The following OXCT1 variants were observed in gnomAD, a reference collection of about 807,000 sequenced individuals.
OXCT1 encodes the protein 3-oxoacid CoA-transferase 1, also known as succinyl-CoA:3-ketoacid coenzyme A transferase 1, mitochondrial.
In OXCT1, 27 loss-of-function variants were observed where a neutral mutation model predicts 69.6. That is an observed-to-expected ratio of 0.39 (90% CI 0.29 to 0.54). The LOEUF (loss-of-function observed/expected upper bound fraction) is 0.54. Among genes scored for constraint, OXCT1 ranks in the 20% least tolerant of loss-of-function variants. OXCT1 has a pLI of 0.72. For missense variants in OXCT1, 437 were observed against 650.2 expected (o/e 0.67, Z 3.57); for synonymous variants, 202 against 217.8 (o/e 0.93, Z 0.64).
At chr5:41,775,390 T>C (rs1745073991) in intron 13 of OXCT1, among the ~76,000 whole-genome samples, 1 of 152,112 alleles carries the variant, frequency 6.6e-6, no homozygotes, top group Admixed American at 6.5e-5. Flanking sequence ...CTATTATTGG[T>C]TTATTATGAA....
At chr5:41,767,885 A>G (rs1744693103) in intron 13 of OXCT1, among the ~76,000 whole-genome samples, 1 of 151,538 alleles carries the variant, frequency 6.6e-6, no homozygotes, top group Non-Finnish European at 1.5e-5. Flanking sequence ...TGAGGCTTTC[A>G]GTTTTCTACC....
intron 11 of OXCT1, among the ~76,000 whole-genome samples, chr5:41,796,655 T>C (rs1320187191): frequency 2.0e-5 from 3 of 152,172 alleles, no homozygotes; most frequent in African/African-American, 4.8e-5. Flanking sequence ...GGAGTTTTAT[T>C]CCAAATGATA....
chr5:41,819,637 T>C (rs1450342139), intron 7 of OXCT1, among the ~76,000 whole-genome samples: 1 of 151,950 alleles, frequency 6.6e-6, no homozygotes, highest in Non-Finnish European at 1.5e-5. Flanking sequence ...CCCAAAGTGC[T>C]GAGATAACAG....
At chr5:41,813,684 A>G (rs1183597666) in intron 7 of OXCT1, among the ~76,000 whole-genome samples, 2 of 151,658 alleles carry the variant, frequency 1.3e-5, no homozygotes, top group African/African-American at 4.9e-5. Flanking sequence ...GCCTCCAAGT[A>G]TTTACTAAAA....
intron 1 of OXCT1, chr5:41,869,937 A>C: frequency 2.6e-6 from 1 of 388,558 alleles, no homozygotes; most frequent in Non-Finnish European, 4.9e-6. Flanking sequence ...AGACCCTCAG[A>C]GTCCCTATCC....
At chr5:41,832,530 A>T (rs1293347901) in intron 7 of OXCT1, among the ~76,000 whole-genome samples, 1 of 152,150 alleles carries the variant, frequency 6.6e-6, no homozygotes, top group Admixed American at 6.6e-5. Flanking sequence ...AATACCTAGA[A>T]AGCGTTCCCA....
In OXCT1 at chr5:41,731,598, A is replaced by T. The variant is rs1216737384; in HGVS notation, c.*131T>A. ...TAGAGAACAGTTTATATGGCTGCAT[A>T]AAGTCTGAAACACAAGAAAACTAAT... is the stretch of plus-strand genomic sequence containing the variant. On this transcript the variant is annotated 3_prime_UTR_variant, in exon 17 of 17. Transcript: ENST00000196371. The T allele has an allele frequency of 5.3e-6, 7 of 1,315,182 alleles. No homozygotes were observed. Among genetic ancestry groups the T allele is most frequent in the Non-Finnish European group, 7.4e-6 (7 of 943,616 alleles). 81.5% of individuals were successfully genotyped at this position (1,315,182 alleles called of 1,614,324 possible).
intron 13 of OXCT1, among the ~76,000 whole-genome samples, chr5:41,784,482 G>C (rs1165063131): frequency 6.6e-6 from 1 of 152,160 alleles, no homozygotes; most frequent in Non-Finnish European, 1.5e-5. Context: ...TTCTTCATAA[G>C]GCTTACAGAA....
At chr5:41,798,095 G>A (rs1008278651) in intron 11 of OXCT1, among the ~76,000 whole-genome samples, 1 of 152,154 alleles carries the variant, frequency 6.6e-6, no homozygotes, top group Non-Finnish European at 1.5e-5. Context: ...TCAGTAAGGA[G>A]ATGGGGATAA....
At chr5:41,841,170 T>C (rs183240612) in intron 6 of OXCT1, among the ~76,000 whole-genome samples, 8 of 152,334 alleles carry the variant, frequency 5.3e-5, no homozygotes, top group Middle Eastern at 3.4e-3. Flanking sequence ...GTTCCCCTAA[T>C]GGTAAAAATT....
At chr5:41,827,180 T>C (rs1747848389) in intron 7 of OXCT1, among the ~76,000 whole-genome samples, 1 of 152,176 alleles carries the variant, frequency 6.6e-6, no homozygotes, top group South Asian at 2.1e-4. Context: ...CCTTTCCAAA[T>C]GCACTTAAAA....
chr5:41,819,786 G>A (rs1747456988), intron 7 of OXCT1, among the ~76,000 whole-genome samples: 1 of 151,860 alleles, frequency 6.6e-6, no homozygotes, highest in Non-Finnish European at 1.5e-5. Context: ...AACAGCACTT[G>A]ACTCACACCT....
rs1359375499 is a variant in OXCT1 at position 41,853,426 on chromosome 5, G to A, written c.407C>T (p.Thr136Ile). 2 of 1,613,638 alleles carry A rather than the reference G, an allele frequency of 1.2e-6. No individual in the cohort carries two copies. Among genetic ancestry groups the A allele is most frequent in the Non-Finnish European group, 1.7e-6 (2 of 1,179,638 alleles). ...YLSGELEVEL[T>I]PQGTLAERIR... ...AAAAGCAAATTTTCTCACCTGTGGTGTCAGCTCCACTTCTAATTCACCAGA... is the reference window on the plus strand; with the variant it reads ...AAAAGCAAATTTTCTCACCTGTGGTATCAGCTCCACTTCTAATTCACCAGA... The change falls in exon 4 of 17, where the codon ACA becomes ATA. Residue 136 changes from threonine (T) to isoleucine (I), a missense_variant. Thr to Ile is a moderately conservative substitution (Grantham distance 89, BLOSUM62 -1). This residue lies in a region of OXCT1 where 252 missense variants were observed against 397.4 expected (regional missense o/e 0.63). Transcript: ENST00000196371.
At chr5:41,803,608 A>G (rs181140958) in intron 9 of OXCT1, among the ~76,000 whole-genome samples, 16 of 152,234 alleles carry the variant, frequency 1.1e-4, no homozygotes, top group African/African-American at 3.8e-4. Flanking sequence ...ATTTTAAAAA[A>G]GTTTTCTGAC....
At chr5:41,869,769 A>G (rs1458779803) in intron 1 of OXCT1, among the ~76,000 whole-genome samples, 4 of 152,102 alleles carry the variant, frequency 2.6e-5, no homozygotes, top group African/African-American at 9.7e-5. Flanking sequence ...CCCGGCATCC[A>G]GCCCCGGTGA....
chr5:41,738,482 A>G (rs1742999652), intron 16 of OXCT1, among the ~76,000 whole-genome samples: 1 of 152,222 alleles, frequency 6.6e-6, no homozygotes, highest in African/African-American at 2.4e-5. Context: ...TTGCTGCCAC[A>G]TAAGACGTGC....
chr5:41,845,299 A>G (rs1025223242), intron 5 of OXCT1, among the ~76,000 whole-genome samples: 4 of 152,230 alleles, frequency 2.6e-5, no homozygotes, highest in African/African-American at 7.2e-5. Context: ...CACCTCCCCA[A>G]AGAAGCTCTC....
intron 13 of OXCT1, among the ~76,000 whole-genome samples, chr5:41,771,694 G>A (rs902156362): frequency 2.0e-5 from 3 of 152,088 alleles, no homozygotes; most frequent in Non-Finnish European, 2.9e-5. Context: ...AAGTGTTTCA[G>A]GATAAATAAA....
At chr5:41,781,937 C>A (rs1428852249) in intron 13 of OXCT1, among the ~76,000 whole-genome samples, 1 of 152,010 alleles carries the variant, frequency 6.6e-6, no homozygotes, top group Non-Finnish European at 1.5e-5. Context: ...TTCTTTATAA[C>A]AGAATGATTT....
Sources: gnomAD v4.1 joint callset for allele counts (sites outside exome capture counted in the v4.1 genomes callset) on GRCh38, gnomAD v4.1.1 for gene constraint, gnomAD v4.1.1 regional missense constraint, MANE v1.5 for transcripts, NCBI Gene and HGNC (gene_info 2026-07-23, HGNC 2026-07-21) for gene names.